MLIP: variants seen among roughly 807,000 people sequenced by gnomAD.
MLIP encodes the protein muscular LMNA-interacting protein.
Under a neutral mutation model 84.8 loss-of-function variants are expected in MLIP, and 79 were observed. That is an observed-to-expected ratio of 0.93 (90% confidence interval 0.78 to 1.12). The LOEUF is 1.12. Among genes scored for constraint, MLIP ranks in the 50% most tolerant of loss-of-function variants. The pLI is 0.00. For synonymous variants in MLIP, 504 were observed against 463.0 expected, an observed-to-expected ratio of 1.09 and a Z score of -1.14; for missense variants, 1,257 against 1,160.6, an observed-to-expected ratio of 1.08 and a Z score of -1.21.
At chr6:54,259,409 T>C (rs1783236591) in intron 13 of MLIP, among the ~76,000 whole-genome samples, 1 of 151,590 alleles carries the variant, frequency 6.6e-6, no homozygotes, top group Non-Finnish European at 1.5e-5. Flanking sequence ...ACATTGACTA[T>C]ATCTACACAA....
In MLIP at chr6:54,093,700, A is replaced by G. The variant is rs144006480; in HGVS notation, c.64-27747A>G. Among the ~76,000 whole-genome samples the G allele has an allele frequency of 2.8e-3, 430 of 152,318 alleles. 3 individuals are homozygous for G. Among genetic ancestry groups the G allele is most frequent in the African/African-American group, 9.0e-3 (376 of 41,582 alleles). ...GGAAATCAGGAGACAACTGTGACCC[A>G]TTACTCCTGTGCATCCGCACAGGCA... On this transcript the variant is annotated intron_variant, in intron 1 of 12. Coordinates refer to the MLIP transcript ENST00000274897.
intron 1 of MLIP, among the ~76,000 whole-genome samples, chr6:54,094,793 T>A (rs1278345062): frequency 6.6e-6 from 1 of 152,080 alleles, no homozygotes; most frequent in Non-Finnish European, 1.5e-5. Context: ...TTAGCATCTG[T>A]TTCTCTTCTC....
At chr6:54,174,752 T>G (rs1776113845) in intron 9 of MLIP, among the ~76,000 whole-genome samples, 1 of 152,008 alleles carries the variant, frequency 6.6e-6, no homozygotes, top group Non-Finnish European at 1.5e-5. Context: ...TTTAACATGA[T>G]GTGATCCCAT....
intron 12 of MLIP, among the ~76,000 whole-genome samples, chr6:54,233,651 G>A (rs954291490): frequency 6.6e-6 from 1 of 152,190 alleles, no homozygotes; most frequent in African/African-American, 2.4e-5. Flanking sequence ...GTGTGCATGT[G>A]TCTTTATAGT....
chr6:54,041,008 C>T (rs1048261248), intron 1 of MLIP: 4 of 151,988 alleles, frequency 2.6e-5, no homozygotes, highest in African/African-American at 9.7e-5. Flanking sequence ...TACCCCAAAC[C>T]TCAGCATCAC....
chr6:54,058,212 TCTTTA>T (rs905161654), intron 1 of MLIP, among the ~76,000 whole-genome samples: 23 of 152,254 alleles, frequency 1.5e-4, no homozygotes, highest in African/African-American at 5.5e-4. Flanking sequence ...TATAATTGGG[TCTTTA>T]CTTCCCTTTC....
intron 12 of MLIP, among the ~76,000 whole-genome samples, chr6:54,252,483 TATAAC>T (rs1381528696): frequency 9.8e-4 from 137 of 139,610 alleles, no homozygotes; most frequent in African/African-American, 3.4e-3. Context: ...TATAATATAT[TATAAC>T]ATAATATAAA....
At chr6:54,217,243 A>G in intron 11 of MLIP, 1 of 985,416 alleles carries the variant, frequency 1.0e-6, no homozygotes. Context: ...TTCACCCTTC[A>G]CTTCCAAACC....
intron 4 of MLIP, among the ~76,000 whole-genome samples, chr6:54,146,935 G>A (rs952395682): frequency 2.5e-4 from 38 of 152,090 alleles, no homozygotes; most frequent in Admixed American, 1.6e-3. Flanking sequence ...GGTGACCTTC[G>A]ATTAGTTATT....
chr6:54,218,073 A>G, intron 11 of MLIP: 1 of 826,884 alleles, frequency 1.2e-6, no homozygotes. Context: ...TAAATAAAGT[A>G]TTATTGGAAC....
At chr6:54,180,817 C>T (rs544020356) in intron 9 of MLIP, among the ~76,000 whole-genome samples, 1 of 152,192 alleles carries the variant, frequency 6.6e-6, no homozygotes, top group African/African-American at 2.4e-5. Flanking sequence ...GTCACATATC[C>T]CTGTTCTTCC....
intron 1 of MLIP, chr6:54,047,027 C>A (rs781754529): frequency 5.3e-5 from 8 of 152,148 alleles, no homozygotes; most frequent in Non-Finnish European, 1.0e-4. Context: ...AGATTAGCTG[C>A]AGAGCCTTTC....
chr6:54,135,885 T>C (rs1413678110), intron 3 of MLIP, among the ~76,000 whole-genome samples: 3 of 152,172 alleles, frequency 2.0e-5, no homozygotes, highest in Non-Finnish European at 4.4e-5. Flanking sequence ...TCTTGTAAAA[T>C]GATGAATTGT....
At chr6:54,026,999 A>T (rs1763842458) in intron 1 of MLIP, among the ~76,000 whole-genome samples, 1 of 152,128 alleles carries the variant, frequency 6.6e-6, no homozygotes, top group Admixed American at 6.5e-5. Flanking sequence ...CTGGCTGTGG[A>T]TTTATTAAAT....
chr6:54,047,202 G>C (rs1246504002), intron 1 of MLIP: 1 of 152,190 alleles, frequency 6.6e-6, no homozygotes, highest in Non-Finnish European at 1.5e-5. Context: ...ATGGAAAAAA[G>C]ATGGGTGTTA....
At chr6:54,214,073 T>G (rs1446059384) in intron 11 of MLIP, among the ~76,000 whole-genome samples, 1 of 152,226 alleles carries the variant, frequency 6.6e-6, no homozygotes, top group East Asian at 1.9e-4. Context: ...TAACACATTT[T>G]CAAGCAACTT....
intron 12 of MLIP, among the ~76,000 whole-genome samples, chr6:54,237,659 G>A (rs10456172): frequency 0.33 from 47,763 of 145,510 alleles, 10,978 homozygotes; most frequent in African/African-American, 0.66. Context: ...CAGCCTGGAC[G>A]ACATAGGGAG....
intron 10 of MLIP, among the ~76,000 whole-genome samples, chr6:54,191,476 G>C (rs1182424303): frequency 2.6e-5 from 4 of 152,108 alleles, no homozygotes; most frequent in African/African-American, 9.7e-5. Flanking sequence ...GTGTGTGTGG[G>C]GGGGCAATAT....
At chr6:54,161,133 A>G (rs1248800549) in intron 8 of MLIP, among the ~76,000 whole-genome samples, 2 of 151,978 alleles carry the variant, frequency 1.3e-5, no homozygotes, top group Non-Finnish European at 2.9e-5. Context: ...TAGAATGTAT[A>G]ATGTGTGGCT....
Sources: allele counts gnomAD v4.1 joint callset (sites outside exome capture counted in the v4.1 genomes callset), GRCh38; gene constraint gnomAD v4.1.1; transcripts MANE v1.5; gene names NCBI Gene and HGNC (gene_info 2026-07-23, HGNC 2026-07-21).